Variants in UBA6 observed in about 807,000 individuals in gnomAD.
UBA6 encodes the protein ubiquitin-like modifier-activating enzyme 6.
UBA6 carries 87 observed loss-of-function variants against 148.3 expected under a neutral mutation model. The observed-to-expected ratio is 0.59, with a 90% CI of 0.49 to 0.70. UBA6 has a LOEUF of 0.70. UBA6 is among the 30% of genes least tolerant of loss of function. The pLI, the probability that UBA6 is intolerant of heterozygous loss-of-function variation, is 0.00. For missense variants in UBA6, 1,186 were observed against 1,241.2 expected (o/e 0.96, Z 0.67); for synonymous variants, 376 against 401.0 (o/e 0.94, Z 0.75).
At chr4:67,640,359 TTAAC>T (rs1560483432) in intron 18 of UBA6, among the ~76,000 whole-genome samples, 3 of 152,372 alleles carry the variant, frequency 2.0e-5, no homozygotes, top group East Asian at 1.9e-4. Flanking sequence ...GGCAATTAGA[TTAAC>T]TATGACATCT....
At position 67,613,044 on chromosome 4, in the gene UBA6, C is replaced by T. The variant is rs1008591816; in HGVS notation, c.*5953G>A. On this transcript the variant is annotated 3_prime_UTR_variant, in exon 33 of 33. Transcript: ENST00000322244. ...TGAAGAGGTAAGGGCCTGGTAACTC[C>T]AAACCATGCTTTGAAACCCTGAATG... 1 of 152,164 alleles carries T rather than the reference C, an allele frequency of 6.6e-6. No homozygotes were observed. The highest frequency in any genetic ancestry group is 1.5e-5 in the Non-Finnish European group (1 of 68,028). The allele number at this position is 152,164 out of a possible 1,614,324, so 9.4% of individuals were successfully genotyped here.
chr4:67,669,223 T>C (rs1730081790), intron 8 of UBA6, among the ~76,000 whole-genome samples: 1 of 152,230 alleles, frequency 6.6e-6, no homozygotes, highest in African/African-American at 2.4e-5. Flanking sequence ...TTGGAATTTA[T>C]TCTCTGTGTT....
At position 67,676,411 on chromosome 4, in the gene UBA6, C is replaced by T. The variant is rs553194071; in HGVS notation, c.465+1200G>A. On this transcript the variant is annotated intron_variant, in intron 6 of 32. Transcript: ENST00000322244. The stretch of plus-strand genomic sequence containing the variant: ...AAGTTTAATCTCTAAACCTATGTGA[C>T]AGCACGCCTAATGGTTATGAATTCC... Among the ~76,000 whole-genome samples the T allele has an allele frequency of 4.0e-4, 61 of 152,310 alleles. No individual in the cohort carries two copies. The South Asian group carries it at 0.013, about 32-fold the overall frequency.
rs371543372 is a variant in UBA6 at position 67,701,141 on chromosome 4, C to T, written c.-22G>A. On this transcript the variant is annotated 5_prime_UTR_variant, in exon 1 of 33. Transcript: ENST00000322244. ...CCATTGCCGCCTGAGACACCGCCGC[C>T]GGCTACTGGAAGGTAGGAAGGGGCG... The T allele has an allele frequency of 2.9e-5, 46 of 1,598,518 alleles. No homozygotes were observed. The African/African-American group carries it at 5.4e-4, about 19-fold the overall frequency.
intron 26 of UBA6, 107 bp from the exon 27 acceptor site, chr4:67,629,249 A>G (rs1728941825): frequency 1.4e-6 from 1 of 712,154 alleles, no homozygotes; most frequent in South Asian, 1.6e-5. Context: ...TGAATATTTC[A>G]TTATCTGAAT....
intron 19 of UBA6, among the ~76,000 whole-genome samples, chr4:67,636,402 T>A (rs1729141346): frequency 6.6e-6 from 1 of 152,170 alleles, no homozygotes; most frequent in South Asian, 2.1e-4. Context: ...CCCCACGGTC[T>A]CCCTCTCCCT....
intron 32 of UBA6, among the ~76,000 whole-genome samples, chr4:67,619,433 T>C (rs577631339): frequency 6.6e-6 from 1 of 152,270 alleles, no homozygotes; most frequent in South Asian, 2.1e-4. Flanking sequence ...CCCAGCACTT[T>C]GGGAGGCTGA....
intron 27 of UBA6, 63 bp downstream of exon 27, chr4:67,629,008 T>A: frequency 8.8e-7 from 1 of 1,131,186 alleles, no homozygotes; most frequent in South Asian, 1.2e-5. Context: ...AGGTTTAGAA[T>A]GGGACTTGGT....
chr4:67,673,662 G>C, intron 7 of UBA6, 35 bp downstream of exon 7: 4 of 1,460,090 alleles, frequency 2.7e-6, no homozygotes, highest in Non-Finnish European at 2.9e-6. Flanking sequence ...TTCTTCCTTG[G>C]TTAACTACAT....
rs1449875517 is a variant in UBA6, at chr4:67,634,324, TG to T, written c.1933-3del. 1 of 1,579,808 alleles carries T rather than the reference TG, an allele frequency of 6.3e-7. No individual in the cohort carries two copies. On this transcript the variant is annotated splice_polypyrimidine_tract_variant and splice_region_variant and intron_variant, in intron 21 of 32. Coordinates refer to ENST00000322244, the MANE Select transcript of UBA6 (RefSeq NM_018227.6). ...TTTGTGGGAAAAGGAACTTTCAAAC[TG>T]TAACAGAGAAAAGAAAAAAAAAATT...
intron 1 of UBA6, among the ~76,000 whole-genome samples, chr4:67,700,703 C>T (rs1487572908): frequency 6.6e-6 from 1 of 152,116 alleles, no homozygotes; most frequent in African/African-American, 2.4e-5. Context: ...GTGCTTGGCA[C>T]CAGTCGGGGA....
intron 26 of UBA6, among the ~76,000 whole-genome samples, chr4:67,629,981 A>C (rs927793114): frequency 2.6e-5 from 4 of 152,116 alleles, no homozygotes; most frequent in Non-Finnish European, 5.9e-5. Flanking sequence ...TTAGTCAATG[A>C]AGATGATGTT....
rs551541910 is a variant in UBA6, at chr4:67,648,703, C to A, written c.1248+365G>T. ...TGTAAGTTTATACCTAGAAAGGGAA[C>A]CTGAACGTTCATGATAGTAAAAGAT... On this transcript the variant is annotated intron_variant, in intron 14 of 32. Coordinates refer to ENST00000322244, the MANE Select transcript of UBA6 (RefSeq NM_018227.6). Among the ~76,000 whole-genome samples the A allele has an allele frequency of 3.3e-5, 5 of 152,114 alleles. No homozygotes were observed. In the South Asian group the frequency reaches 6.2e-4, roughly 19 times the overall value.
chr4:67,680,821 T>C (rs1052430931), intron 4 of UBA6, among the ~76,000 whole-genome samples: 1 of 152,220 alleles, frequency 6.6e-6, no homozygotes, highest in Non-Finnish European at 1.5e-5. Context: ...ACTGCCACAC[T>C]GTGAACTGCC....
intron 19 of UBA6, among the ~76,000 whole-genome samples, chr4:67,638,672 G>A (rs975417763): frequency 6.6e-6 from 1 of 152,172 alleles, no homozygotes; most frequent in Non-Finnish European, 1.5e-5. Flanking sequence ...CATACAGCTA[G>A]AATAAGGGGA....
intron 32 of UBA6, among the ~76,000 whole-genome samples, chr4:67,622,365 A>G (rs1411456426): frequency 6.6e-6 from 1 of 152,186 alleles, no homozygotes; most frequent in Non-Finnish European, 1.5e-5. Context: ...TAATTTCTCC[A>G]TAATACTTAC....
chr4:67,689,716 C>G (rs970708280), intron 2 of UBA6, among the ~76,000 whole-genome samples: 46 of 151,676 alleles, frequency 3.0e-4, no homozygotes, highest in Non-Finnish European at 1.8e-4. Flanking sequence ...ATTGTTAGTA[C>G]CATCTGCACC....
In UBA6 at chr4:67,617,251, C is replaced by T. The variant is rs1415333607; in HGVS notation, c.*1746G>A. The stretch of plus-strand genomic sequence containing the variant: ...AAAAGTATCAGTTACTTTCAAAGAA[C>T]ACAAAACAAAGTGAACGTGGAAAAA... On this transcript the variant is annotated 3_prime_UTR_variant, in exon 33 of 33. Coordinates refer to ENST00000322244, the MANE Select transcript of UBA6 (RefSeq NM_018227.6). 1 of 152,042 alleles carries T rather than the reference C, an allele frequency of 6.6e-6. No homozygotes were observed. The highest frequency in any genetic ancestry group is 2.1e-4 in the South Asian group (1 of 4,820). 9.4% of individuals were successfully genotyped at this position (152,042 alleles called of 1,614,324 possible). A position where few individuals can be genotyped will look rare whatever the true frequency, so the allele number is the denominator to read the frequency against.
At chr4:67,696,984 TTTG>T (rs760770139) in intron 1 of UBA6, among the ~76,000 whole-genome samples, 11 of 152,026 alleles carry the variant, frequency 7.2e-5, no homozygotes, top group South Asian at 4.2e-4. Context: ...ATATATATAT[TTTG>T]TTGTTGTTGT....
Sources: gnomAD v4.1 joint callset for allele counts (sites outside exome capture counted in the v4.1 genomes callset) on GRCh38, gnomAD v4.1.1 for gene constraint, MANE v1.5 for transcripts, NCBI Gene and HGNC (gene_info 2026-07-23, HGNC 2026-07-21) for gene names.